The following VPS13B variants were observed in gnomAD, a reference collection of about 807,000 sequenced individuals.
The protein encoded by VPS13B is vacuolar protein sorting 13 homolog B, also known as intermembrane lipid transfer protein VPS13B.
A neutral mutation model predicts 426.4 loss-of-function variants in VPS13B; 285 were observed. The ratio of observed to expected loss-of-function variants is 0.67; its 90% confidence interval spans 0.61 to 0.74. The LOEUF is 0.74. VPS13B is among the 30% of genes least tolerant of loss of function. VPS13B has a pLI of 0.00. For synonymous variants in VPS13B, 1,676 were observed against 1,676.4 expected (o/e 1.00, Z 0.01); for missense variants, 4,537 against 4,782.6 (o/e 0.95, Z 1.51).
At chr8:99,385,619 C>T (rs1814075005) in intron 20 of VPS13B, among the ~76,000 whole-genome samples, 1 of 152,116 alleles carries the variant, frequency 6.6e-6, no homozygotes, top group African/African-American at 2.4e-5. Context: ...ATATCCCTCC[C>T]TCTGAGAGTA....
chr8:99,753,371 G>A (rs1011822391), intron 39 of VPS13B, among the ~76,000 whole-genome samples: 2 of 152,112 alleles, frequency 1.3e-5, no homozygotes, highest in African/African-American at 2.4e-5. Flanking sequence ...TGATTCCCAA[G>A]TATTGTTATT....
Position 99,871,489 on chromosome 8 carries a change from C to A in VPS13B, c.11537C>A (p.Ala3846Asp), listed in dbSNP as rs756863904. 3 of 1,614,188 alleles carry A rather than the reference C, an allele frequency of 1.9e-6. No individual in the cohort carries two copies. Among genetic ancestry groups the A allele is most frequent in the Non-Finnish European group, 2.5e-6 (3 of 1,180,036 alleles). The change falls in exon 61 of 62, where the codon GCC (alanine) becomes GAC (aspartate). Residue 3846 changes from alanine to aspartate, a missense_variant. Ala to Asp is a moderately radical substitution (Grantham distance 126, BLOSUM62 -2). This residue lies in a region of VPS13B where 4,311 missense variants were observed against 4,474.3 expected (regional missense o/e 0.96). Coordinates refer to ENST00000357162, the MANE Select transcript of VPS13B (RefSeq NM_152564.5). ...CTGGGCAGACCAGAAGTCCACATGG[C>A]CCTGGACGTGGTTCTGGTGAGGGGC... is the stretch of plus-strand genomic sequence containing the variant. Reference protein sequence around the residue: ...QSLGRPEVHMALDVVLVRGSG... With the variant: ...QSLGRPEVHMDLDVVLVRGSG...
chr8:99,784,554 G>T (rs1812168685), intron 43 of VPS13B, 78 bp downstream of exon 43: 2 of 1,583,414 alleles, frequency 1.3e-6, no homozygotes, highest in Non-Finnish European at 8.7e-7. Flanking sequence ...TGCCTGTCCA[G>T]TTATTTCCCT....
At chr8:99,745,111 C>A (rs1176675579) in intron 39 of VPS13B, among the ~76,000 whole-genome samples, 1 of 150,876 alleles carries the variant, frequency 6.6e-6, no homozygotes, top group African/African-American at 2.4e-5. Context: ...TTTTTTGATT[C>A]AATACAAATT....
chr8:99,697,720 G>A, intron 35 of VPS13B: 2 of 629,164 alleles, frequency 3.2e-6, no homozygotes, highest in South Asian at 3.2e-5. Flanking sequence ...GGGCCTGCAA[G>A]CTGGGCCTGG....
intron 54 of VPS13B, among the ~76,000 whole-genome samples, chr8:99,841,785 G>A (rs189090191): frequency 2.8e-4 from 43 of 152,228 alleles, no homozygotes; most frequent in Non-Finnish European, 5.9e-5. Flanking sequence ...TGTGACTGGG[G>A]TCTGCTTCAG....
intron 38 of VPS13B, 80 bp downstream of exon 38, chr8:99,720,632 A>G: frequency 6.9e-7 from 1 of 1,457,650 alleles, no homozygotes; most frequent in Non-Finnish European, 9.6e-7. Flanking sequence ...AAATAAAAAC[A>G]ATCAAGATGG....
At chr8:99,214,598 TATTA>T (rs1815286234) in intron 17 of VPS13B, among the ~76,000 whole-genome samples, 1 of 152,226 alleles carries the variant, frequency 6.6e-6, no homozygotes, top group East Asian at 1.9e-4. Flanking sequence ...TAACTGATTA[TATTA>T]ATTGATACTT....
chr8:99,698,759 C>T (rs897660323), intron 35 of VPS13B, among the ~76,000 whole-genome samples: 11 of 152,014 alleles, frequency 7.2e-5, no homozygotes, highest in African/African-American at 2.7e-4. Context: ...TGCTTATAGT[C>T]TTATGTCTTA....
At chr8:99,505,471 G>A (rs1044692851) in intron 27 of VPS13B, among the ~76,000 whole-genome samples, 2 of 152,122 alleles carry the variant, frequency 1.3e-5, no homozygotes, top group Non-Finnish European at 2.9e-5. Context: ...TTATGTTTCA[G>A]GGAATAGGAA....
At chr8:99,633,806 G>GGTGTGT (rs139474452) in intron 33 of VPS13B, among the ~76,000 whole-genome samples, 76,918 of 143,708 alleles carry the variant, frequency 0.54, 21,104 homozygotes, top group Middle Eastern at 0.65. Context: ...GAATGTGTCA[G>GGTGTGT]GTGTGTGTGT....
At chr8:99,691,524 G>T (rs931304955) in intron 35 of VPS13B, among the ~76,000 whole-genome samples, 4 of 151,980 alleles carry the variant, frequency 2.6e-5, no homozygotes, top group African/African-American at 9.7e-5. Flanking sequence ...ACAACTAGCT[G>T]TAAACAAGAC....
rs201376413 is a variant in VPS13B at position 99,348,865 on chromosome 8, TGGA to T, written c.2825-35338_2825-35336del. Among the ~76,000 whole-genome samples, 1,110 of 152,192 alleles carry T rather than the reference TGGA, an allele frequency of 7.3e-3. 18 individuals carry two copies. Among genetic ancestry groups the T allele is most frequent in the African/African-American group, 0.025 (1,050 of 41,526 alleles). ...TTTTTAAACGCACATGAAATTGAAT[TGGA>T]GGAGTTTTTTTGTAGCATGAAAACA... On this transcript the variant is annotated intron_variant, in intron 19 of 61. Transcript: ENST00000357162.
chr8:99,245,676 G>C (rs1395234406), intron 17 of VPS13B, among the ~76,000 whole-genome samples: 1 of 152,100 alleles, frequency 6.6e-6, no homozygotes, highest in Non-Finnish European at 1.5e-5. Context: ...CAAGTAGCTG[G>C]GATTACAGGC....
intron 22 of VPS13B, among the ~76,000 whole-genome samples, chr8:99,439,407 A>G (rs913788939): frequency 6.6e-6 from 1 of 152,130 alleles, no homozygotes; most frequent in African/African-American, 2.4e-5. Context: ...GGCTGGCACT[A>G]TGTCTTTTGT....
intron 51 of VPS13B, among the ~76,000 whole-genome samples, chr8:99,828,576 T>C (rs1404821971): frequency 6.6e-6 from 1 of 152,092 alleles, no homozygotes; most frequent in East Asian, 1.9e-4. Flanking sequence ...TGCCTTTTAA[T>C]TGGGGCATTA....
At chr8:99,052,007 T>A (rs1587967287) in intron 3 of VPS13B, among the ~76,000 whole-genome samples, 1 of 152,162 alleles carries the variant, frequency 6.6e-6, no homozygotes, top group East Asian at 1.9e-4. Context: ...CTTTTCCTAA[T>A]TGAATACCCT....
chr8:99,817,287 C>G (rs1814096938), intron 44 of VPS13B, among the ~76,000 whole-genome samples: 1 of 151,848 alleles, frequency 6.6e-6, no homozygotes, highest in South Asian at 2.1e-4. Context: ...TTTTCTCTGG[C>G]CAGCACCTGA....
At chr8:99,751,622 A>C (rs1810399776) in intron 39 of VPS13B, among the ~76,000 whole-genome samples, 1 of 152,208 alleles carries the variant, frequency 6.6e-6, no homozygotes, top group South Asian at 2.1e-4. Flanking sequence ...TAAATATATT[A>C]AGTATACTTG....
Sources: gnomAD v4.1 joint callset for allele counts (sites outside exome capture counted in the v4.1 genomes callset) on GRCh38, gnomAD v4.1.1 for gene constraint, gnomAD v4.1.1 regional missense constraint, MANE v1.5 for transcripts, NCBI Gene and HGNC (gene_info 2026-07-23, HGNC 2026-07-21) for gene names.